The following NBPF10 variants were observed in gnomAD, a reference collection of about 807,000 sequenced individuals.
NBPF10 encodes NBPF member 10, also known as NBPF family member NBPF10.
In NBPF10, 63 loss-of-function variants were observed where a neutral mutation model predicts 77.9. The ratio of observed to expected loss-of-function variants is 0.81; its 90% CI spans 0.66 to 1.00. The LOEUF (loss-of-function observed/expected upper bound fraction) is 1.00. NBPF10 is among the 50% of genes least tolerant of loss of function. The pLI is 0.00. For synonymous variants in NBPF10, 146 were observed against 264.5 expected, an observed-to-expected ratio of 0.55 and a Z score of 4.35; for missense variants, 522 against 679.8, an observed-to-expected ratio of 0.77 and a Z score of 2.58.
At chr1:146,069,497 C>T in intron 86 of NBPF10, 46 bp downstream of exon 86, 2 of 796,052 alleles carry the variant, frequency 2.5e-6, no homozygotes, top group South Asian at 1.3e-5. Flanking sequence ...TGACCCTAAC[C>T]AGAAGACTCA....
At position 146,126,243 on chromosome 1, in the gene NBPF10, G is replaced by T. The variant is rs782597872; in HGVS notation, c.2019C>A (p.Asp673Glu). ...TCATAGAAAGGTACTCACCATCCAT[G>T]TCAATAGCCAAGCCAACACGCTGTT... Residue 673 changes from aspartate (D) to glutamate (E), a missense_variant, in exon 14 of 90, where the codon GAC (aspartate) becomes GAA (glutamate). Asp to Glu is a conservative substitution (Grantham distance 45, BLOSUM62 2). Transcript: ENST00000583866. The T allele has an allele frequency of 2.8e-5, 45 of 1,606,900 alleles. 1 individual carries two copies. The South Asian group carries it at 3.9e-4, about 14-fold the overall frequency.
chr1:146,140,467 T>G lies in NBPF10; in HGVS notation c.566+17A>C. 1 of 803,130 alleles carries G rather than the reference T, an allele frequency of 1.2e-6. No homozygotes were observed. The highest frequency in any genetic ancestry group is 2.0e-6 in the Non-Finnish European group (1 of 505,788). The allele number at this position is 803,130 out of a possible 1,614,324, so 49.8% of individuals were successfully genotyped here. A position where few individuals can be genotyped will look rare whatever the true frequency, so the allele number is the denominator to read the frequency against. On this transcript the variant is annotated intron_variant, in intron 4 of 89. Coordinates refer to ENST00000583866, the Ensembl canonical transcript of NBPF10. ...TACGTTACCACCCATTACTTGCTCC[T>G]GAGTATTCAGTGTTACCTGGGGGCA...
chr1:146,069,660 C>G (rs782782257), exon 86 of NBPF10: 22 of 1,401,530 alleles, frequency 1.6e-5, no homozygotes, highest in Non-Finnish European at 2.0e-5. Flanking sequence ...TAACATCTAT[C>G]CAGTGAGTCC....
At chr1:146,123,499 C>T (rs1205951840) in intron 17 of NBPF10, among the ~76,000 whole-genome samples, 1 of 98,830 alleles carries the variant, frequency 1.0e-5, no homozygotes. Context: ...CACACACACA[C>T]ACACACACAC....
intron 15 of NBPF10, 32 bp downstream of exon 15, chr1:146,125,433 A>C: frequency 2.8e-6 from 1 of 352,096 alleles, no homozygotes; most frequent in Non-Finnish European, 5.0e-6. Context: ...GTGTCAACAC[A>C]GAATTAAGCA....
In NBPF10 at chr1:146,121,994, A is replaced by G. The variant is rs1553788714; in HGVS notation, c.2585+289T>C. Among the ~76,000 whole-genome samples the G allele has an allele frequency of 7.4e-4, 80 of 107,668 alleles. No individual in the cohort carries two copies. The East Asian group carries it at 7.6e-3, about 10-fold the overall frequency. The allele number at this position is 107,668 out of a possible 152,430, so 70.6% of individuals were successfully genotyped here. On this transcript the variant is annotated intron_variant, in intron 19 of 89. Transcript: ENST00000583866. ...TCATGACACACAGCAAACTGTGATCATGAAAAGAGTGAGCTCAATAGTTTT... is the reference window on the plus strand; with the variant it reads ...TCATGACACACAGCAAACTGTGATCGTGAAAAGAGTGAGCTCAATAGTTTT...
rs782287486 is a variant in NBPF10, at chr1:146,144,619, G to C, written c.151C>G (p.Leu51Val). ...CTGTATTTCTTCTGTCGGTTGGCCAGGAAGCCGGCCAGTTGAGTTAGAAAA... is the reference window on the plus strand; with the variant it reads ...CTGTATTTCTTCTGTCGGTTGGCCACGAAGCCGGCCAGTTGAGTTAGAAAA... The change falls in exon 1 of 90, where the codon CTG (leucine) becomes GTG (valine). Residue 51 changes from leucine (L) to valine (V), a missense_variant. Coordinates refer to ENST00000583866, the Ensembl canonical transcript of NBPF10. 1.8e-5 allele frequency: 22 copies of C among 1,222,772 alleles called. 6 individuals carry two copies. The highest frequency in any genetic ancestry group is 2.2e-5 in the Non-Finnish European group (20 of 930,060). The allele number at this position is 1,222,772 out of a possible 1,614,324, so 75.7% of individuals were successfully genotyped here. A position where few individuals can be genotyped will look rare whatever the true frequency, so the allele number is the denominator to read the frequency against.
At chr1:146,127,978 G>T in intron 12 of NBPF10, 141 bp downstream of exon 12, 2 of 1,521,956 alleles carry the variant, frequency 1.3e-6, no homozygotes, top group Non-Finnish European at 1.8e-6. Flanking sequence ...ACTCCAGAGT[G>T]ACTGAAGTCT....
In NBPF10 at chr1:146,118,352, T is replaced by G. The variant is rs2102141068; in HGVS notation, c.3208+18A>C. On this transcript the variant is annotated intron_variant, in intron 24 of 89. Coordinates refer to ENST00000583866, the Ensembl canonical transcript of NBPF10. ...AAGACTCAGTGGATCCTTATCACCT[T>G]CATAGAAAGGTACTCACCTCCCACG... 3.1e-5 allele frequency: 3 copies of G among 96,492 alleles called. No individual in the cohort carries two copies. The East Asian group carries it at 5.2e-4, about 17-fold the overall frequency. 6.0% of individuals were successfully genotyped at this position (96,492 alleles called of 1,614,324 possible). A position where few individuals can be genotyped will look rare whatever the true frequency, so the allele number is the denominator to read the frequency against.
At chr1:146,134,245 C>T (rs1553794029) in exon 9 of NBPF10, 1 of 1,600,534 alleles carries the variant, frequency 6.2e-7, no homozygotes. Flanking sequence ...TGAACATCTT[C>T]ATCGTCATCG....
intron 6 of NBPF10, 75 bp from the exon 7 acceptor site, chr1:146,136,530 G>A (rs1659727988): frequency 4.5e-6 from 5 of 1,104,766 alleles, no homozygotes; most frequent in Middle Eastern, 2.8e-4. Flanking sequence ...CAGGACAGGA[G>A]CCAGGTCCAT....
chr1:146,065,685 G>A (rs879967346), exon 90 of NBPF10: 1 of 142,942 alleles, frequency 7.0e-6, no homozygotes, highest in Admixed American at 6.6e-5. Flanking sequence ...GGAATTGAGA[G>A]GAGCAGGGCT....
Position 146,125,771 on chromosome 1 carries a change from G to A in NBPF10, c.2027-255C>T, listed in dbSNP as rs1219783588. Among the ~76,000 whole-genome samples, 45 of 143,830 alleles carry A rather than the reference G, an allele frequency of 3.1e-4. 1 individual carries two copies. The highest frequency in any genetic ancestry group is 3.0e-5 in the Non-Finnish European group (2 of 66,388). 94.4% of individuals were successfully genotyped at this position (143,830 alleles called of 152,430 possible). A position where few individuals can be genotyped will look rare whatever the true frequency, so the allele number is the denominator to read the frequency against. On this transcript the variant is annotated intron_variant, in intron 14 of 89. Coordinates refer to ENST00000583866, the Ensembl canonical transcript of NBPF10. ...TCATTTGTCCCAAGTTTGTGCAAAT[G>A]GTTATGCCATATTTTTCCAATCGAT... is the stretch of plus-strand genomic sequence containing the variant.
intron 19 of NBPF10, among the ~76,000 whole-genome samples, chr1:146,121,919 C>G (rs1163745379): frequency 2.7e-5 from 4 of 146,548 alleles, no homozygotes; most frequent in African/African-American, 7.9e-5. Context: ...AGTGAATTGG[C>G]CAGGTGACAT....
At chr1:146,069,844 A>T in intron 85 of NBPF10, 129 bp from the exon 86 acceptor site, 1 of 551,752 alleles carries the variant, frequency 1.8e-6, no homozygotes, top group Non-Finnish European at 3.3e-6. Context: ...ATGAGGTAAC[A>T]AATTATTGCC....
chr1:146,084,151 TGGCCAGGTGACATACTG>T (rs1441399795), intron 67 of NBPF10, among the ~76,000 whole-genome samples: 1 of 146,046 alleles, frequency 6.8e-6, no homozygotes, highest in African/African-American at 2.5e-5. Context: ...CCTAGTGAAT[TGGCCAGGTGACATACTG>T]GTAAGGGAGT....
chr1:146,121,146 C>T (rs1323909970), intron 20 of NBPF10, among the ~76,000 whole-genome samples: 15 of 57,230 alleles, frequency 2.6e-4, no homozygotes, highest in African/African-American at 6.4e-4. Context: ...TTCATGGTAG[C>T]GAGGATTTCA....
Position 146,092,325 on chromosome 1 carries a change from G to A in NBPF10, c.7202+86C>T. ...GTAATTCAACCTTCGTTGAAAATAT[G>A]AAATTGAACACACTCTTGTTTTCCC... On this transcript the variant is annotated intron_variant, in intron 57 of 89. Coordinates refer to ENST00000583866, the Ensembl canonical transcript of NBPF10. 4.8e-5 allele frequency: 2 copies of A among 41,674 alleles called. 1 individual carries two copies. The highest frequency in any genetic ancestry group is 0.011 in the Middle Eastern group (2 of 174). The allele number at this position is 41,674 out of a possible 1,614,324, so 2.6% of individuals were successfully genotyped here.
intron 19 of NBPF10, among the ~76,000 whole-genome samples, chr1:146,121,987 T>A (rs1553788709): frequency 8.5e-5 from 10 of 118,090 alleles, no homozygotes; most frequent in East Asian, 3.4e-4. Flanking sequence ...CACAGCAAAC[T>A]GTGATCATGA....
Sources: allele counts gnomAD v4.1 joint callset (sites outside exome capture counted in the v4.1 genomes callset), GRCh38; gene constraint gnomAD v4.1.1; transcripts MANE v1.5; gene names NCBI Gene and HGNC (gene_info 2026-07-23, HGNC 2026-07-21).